Variants in SAP130 observed in about 807,000 individuals in gnomAD.
SAP130 encodes the protein histone deacetylase complex subunit SAP130.
In SAP130, 16 loss-of-function variants were observed where a neutral mutation model predicts 103.2. The ratio of observed to expected loss-of-function variants is 0.16; its 90% confidence interval spans 0.10 to 0.24. The LOEUF (loss-of-function observed/expected upper bound fraction) is 0.24. Ranked by LOEUF, SAP130 falls within the 10% of genes least tolerant of loss-of-function variation. SAP130 has a pLI of 1.00. For synonymous variants in SAP130, 477 were observed against 497.0 expected (o/e 0.96, Z 0.53); for missense variants, 990 against 1,359.7 (o/e 0.73, Z 4.28).
At chr2:128,021,303 T>C (rs1209081729) in intron 2 of SAP130, among the ~76,000 whole-genome samples, 3 of 151,828 alleles carry the variant, frequency 2.0e-5, no homozygotes, top group Non-Finnish European at 2.9e-5. Flanking sequence ...AAAAATTAGC[T>C]GGGCATGGTG....
At chr2:127,995,942 C>T (rs1018896476) in intron 11 of SAP130, among the ~76,000 whole-genome samples, 1 of 152,198 alleles carries the variant, frequency 6.6e-6, no homozygotes, top group Admixed American at 6.5e-5. Context: ...GGCCTCTCCA[C>T]ACTCTTTAAA....
At chr2:128,001,478 G>A (rs772960832) in intron 7 of SAP130, among the ~76,000 whole-genome samples, 1 of 152,128 alleles carries the variant, frequency 6.6e-6, no homozygotes, top group African/African-American at 2.4e-5. Flanking sequence ...TTAGTTACTC[G>A]GTATTCTTAT....
chr2:127,985,107 C>T (rs1183661587), intron 14 of SAP130, among the ~76,000 whole-genome samples: 1 of 152,230 alleles, frequency 6.6e-6, no homozygotes, highest in Non-Finnish European at 1.5e-5. Flanking sequence ...TCAGTTGCTA[C>T]TGTGTCCTCT....
chr2:128,000,015 C>T lies in SAP130; in HGVS notation c.1108+41G>A. On this transcript the variant is annotated intron_variant, in intron 9 of 20. Transcript: ENST00000643581. ...AAAATTAACCCATCACTCTTGCCTC[C>T]TTTTTCCCCAGTAGAAGGAAGAGGA... 3.1e-6 allele frequency: 5 copies of T among 1,592,274 alleles called. No individual in the cohort carries two copies. In the South Asian group the frequency reaches 4.4e-5, roughly 14 times the overall value.
chr2:127,987,040 G>A, intron 13 of SAP130, 78 bp from the exon 14 acceptor site: 1 of 1,266,248 alleles, frequency 7.9e-7, no homozygotes. Flanking sequence ...TAAAAATGAT[G>A]AGACCACTAG....
chr2:128,022,363 G>C (rs1367246721), intron 2 of SAP130, among the ~76,000 whole-genome samples: 5 of 152,180 alleles, frequency 3.3e-5, no homozygotes, highest in Non-Finnish European at 1.5e-5. Context: ...GTCACCATCT[G>C]ATAGACATTT....
chr2:127,975,826 T>C (rs1293314851), intron 15 of SAP130, among the ~76,000 whole-genome samples: 1 of 152,104 alleles, frequency 6.6e-6, no homozygotes, highest in Non-Finnish European at 1.5e-5. Flanking sequence ...TCTCAGAAGT[T>C]ACGCCGGCAA....
At position 128,017,932 on chromosome 2, in the gene SAP130, G is replaced by A. The variant is rs1392404638; in HGVS notation, c.113-17C>T. The A allele has an allele frequency of 1.3e-6, 2 of 1,595,384 alleles. No individual in the cohort carries two copies. Among genetic ancestry groups the A allele is most frequent in the Admixed American group, 1.7e-5 (1 of 59,908 alleles). ...CATCATTGACTAGTAAAGACATTAA[G>A]AGTGAGACAGTATGTCACAGTCTCC... On this transcript the variant is annotated splice_polypyrimidine_tract_variant and intron_variant, in intron 2 of 20. Transcript: ENST00000643581.
chr2:127,969,650 C>A (rs572037510), intron 15 of SAP130, among the ~76,000 whole-genome samples: 233 of 152,314 alleles, frequency 1.5e-3, no homozygotes, highest in African/African-American at 5.4e-3. Context: ...GTTCTTTCTG[C>A]GGGCTTGAAG....
In SAP130 at chr2:127,957,694, G is replaced by A. The variant is rs138272904; in HGVS notation, c.2064-2350C>T. Among the ~76,000 whole-genome samples the A allele has an allele frequency of 4.9e-3, 742 of 151,348 alleles. 7 individuals carry two copies. Among genetic ancestry groups the A allele is most frequent in the African/African-American group, 0.016 (656 of 41,282 alleles). On this transcript the variant is annotated intron_variant, in intron 15 of 20. Coordinates refer to ENST00000643581, the MANE Select transcript of SAP130 (RefSeq NM_001330301.2). ...CCTCTTAAAAAAAAAAAAAAGATAAGTTATGGCAAAATATTAAAAGTTACA... is the reference window on the plus strand; with the variant it reads ...CCTCTTAAAAAAAAAAAAAAGATAAATTATGGCAAAATATTAAAAGTTACA...
At chr2:127,958,085 A>G (rs555168313) in intron 15 of SAP130, among the ~76,000 whole-genome samples, 3 of 152,228 alleles carry the variant, frequency 2.0e-5, no homozygotes, top group Non-Finnish European at 2.9e-5. Flanking sequence ...CTATGTAACA[A>G]ACCTGCATGT....
At position 127,996,264 on chromosome 2, in the gene SAP130, T is replaced by G; in HGVS notation, c.1355+86A>C. On this transcript the variant is annotated intron_variant, in intron 11 of 20. Coordinates refer to ENST00000643581, the MANE Select transcript of SAP130 (RefSeq NM_001330301.2). This position sits in a 1 kb window ranked among gnomAD's most constrained non-coding sequence, Gnocchi z 4.3. ...AAACATGAGTAATAAATATAGGCCA[T>G]ATTTGTGGGACACTTTGTTTTATGC... 3 of 1,237,712 alleles carry G rather than the reference T, an allele frequency of 2.4e-6. No individual in the cohort carries two copies. Among genetic ancestry groups the G allele is most frequent in the Non-Finnish European group, 3.2e-6 (3 of 937,230 alleles). 76.7% of individuals were successfully genotyped at this position (1,237,712 alleles called of 1,614,324 possible).
At chr2:127,987,548 A>C (rs1682488328) in intron 13 of SAP130, among the ~76,000 whole-genome samples, 1 of 152,072 alleles carries the variant, frequency 6.6e-6, no homozygotes, top group Non-Finnish European at 1.5e-5. Flanking sequence ...AAGGTGAACA[A>C]AGTACATAGT....
chr2:128,025,291 C>G (rs983908226), intron 2 of SAP130, among the ~76,000 whole-genome samples: 1 of 152,188 alleles, frequency 6.6e-6, no homozygotes, highest in African/African-American at 2.4e-5. Flanking sequence ...CTATCAGATG[C>G]CAATAGTACT....
chr2:127,976,962 G>A (rs1040266528), intron 15 of SAP130, among the ~76,000 whole-genome samples: 1 of 151,992 alleles, frequency 6.6e-6, no homozygotes, highest in Non-Finnish European at 1.5e-5. Context: ...AGAAAAAGAC[G>A]TGGAAAGATA....
rs1681581832 is a variant in SAP130, at chr2:127,977,862, C to T, written c.2063+123G>A. The T allele has an allele frequency of 1.9e-5, 14 of 723,900 alleles. No homozygotes were observed. The East Asian group carries it at 3.3e-4, about 17-fold the overall frequency. 44.8% of individuals were successfully genotyped at this position (723,900 alleles called of 1,614,324 possible). ...TTCTATGATGGCGGCTGAGAATAGC[C>T]ACTGCACTCCAGCCTGGGCTATATA... On this transcript the variant is annotated intron_variant, in intron 15 of 20. Coordinates refer to ENST00000643581, the MANE Select transcript of SAP130 (RefSeq NM_001330301.2).
At position 127,989,610 on chromosome 2, in the gene SAP130, A is replaced by T; in HGVS notation, c.1734T>A (p.Pro578=). The change falls in exon 13 of 21, where the codon CCT becomes CCA. Residue 578 remains proline, a synonymous_variant. Coordinates refer to ENST00000643581, the MANE Select transcript of SAP130 (RefSeq NM_001330301.2). This position sits in a 1 kb window ranked among gnomAD's most constrained non-coding sequence, Gnocchi z 4.6. The part of the protein sequence containing the change: ...ATPINTQGLQ[P]APMGTQQPQP... ...GAGGCTGCTGAGTACCCATAGGTGC[A>T]GGCTGAAGCCCTTGTGTGTTGATTG... The T allele has an allele frequency of 6.2e-7, 1 of 1,614,214 alleles. No homozygotes were observed. Among genetic ancestry groups the T allele is most frequent in the Non-Finnish European group, 8.5e-7 (1 of 1,180,034 alleles).
intron 15 of SAP130, among the ~76,000 whole-genome samples, chr2:127,977,336 A>AG (rs1491403172): frequency 2.2e-4 from 2 of 9,128 alleles, no homozygotes; most frequent in East Asian, 0.013. Context: ...CTTAAAATAC[A>AG]AAAAAAAAAA....
intron 17 of SAP130, 39 bp downstream of exon 17, chr2:127,950,121 T>C (rs1313944985): frequency 1.9e-6 from 3 of 1,612,152 alleles, no homozygotes; most frequent in East Asian, 2.2e-5. Context: ...CTGACTTTAT[T>C]GGGAAGCATC....
Sources: gnomAD v4.1 joint callset for allele counts (sites outside exome capture counted in the v4.1 genomes callset) on GRCh38, gnomAD v4.1.1 for gene constraint, Gnocchi (gnomAD v3.1) non-coding constraint, MANE v1.5 for transcripts, NCBI Gene and HGNC (gene_info 2026-07-23, HGNC 2026-07-21) for gene names.